The following RARS2 variants were observed in gnomAD, a reference collection of about 807,000 sequenced individuals.
RARS2 encodes arginyl-tRNA synthetase 2, mitochondrial, also known as probable arginine--tRNA ligase, mitochondrial.
In RARS2, 67 loss-of-function variants were observed where a neutral mutation model predicts 88.5. That is an observed-to-expected ratio of 0.76 (90% CI 0.62 to 0.93). The LOEUF (loss-of-function observed/expected upper bound fraction) is 0.93. RARS2 is among the 40% of genes least tolerant of loss of function. The pLI is 0.00. For missense variants in RARS2, 664 were observed against 684.2 expected (o/e 0.97, Z 0.33); for synonymous variants, 239 against 230.3 (o/e 1.04, Z -0.34).
intron 4 of RARS2, among the ~76,000 whole-genome samples, chr6:87,561,054 ATTATT>A (rs757874153): frequency 2.0e-5 from 3 of 152,244 alleles, no homozygotes; most frequent in Admixed American, 6.5e-5. Flanking sequence ...ACTTTTAATC[ATTATT>A]TTAGAGTATT....
rs1182278857 is a variant in RARS2, at chr6:87,555,280, T to A, written c.395+128A>T. On this transcript the variant is annotated intron_variant, in intron 5 of 19. Transcript: ENST00000369536. ...ATTGATTCACTGTGATTTCAAGAAATAACATAATTGCACTGGTTTTCAAGT... is the reference window on the plus strand; with the variant it reads ...ATTGATTCACTGTGATTTCAAGAAAAAACATAATTGCACTGGTTTTCAAGT... 7.4e-6 allele frequency: 5 copies of A among 680,072 alleles called. No individual in the cohort carries two copies. The East Asian group carries it at 1.4e-4, about 19-fold the overall frequency. 42.1% of individuals were successfully genotyped at this position (680,072 alleles called of 1,614,324 possible).
intron 1 of RARS2, among the ~76,000 whole-genome samples, chr6:87,588,066 G>A (rs562014773): frequency 6.6e-5 from 10 of 152,224 alleles, no homozygotes; most frequent in African/African-American, 2.2e-4. Flanking sequence ...GAGCCACCAT[G>A]CCTGGTCCAA....
intron 10 of RARS2, among the ~76,000 whole-genome samples, chr6:87,525,624 T>C (rs546930300): frequency 4.6e-5 from 7 of 151,722 alleles, no homozygotes; most frequent in Non-Finnish European, 7.4e-5. Flanking sequence ...TCTCAGCTCA[T>C]TGCAACCTCT....
At chr6:87,589,836 C>T in intron 1 of RARS2, 86 bp downstream of exon 1, 5 of 1,613,714 alleles carry the variant, frequency 3.1e-6, no homozygotes, top group Non-Finnish European at 4.2e-6. Context: ...CACCCTCCAG[C>T]TGACTGAGGA....
intron 18 of RARS2, chr6:87,515,949 CAAAAAA>C (rs1195940214): frequency 1.3e-5 from 1 of 74,506 alleles, no homozygotes; most frequent in African/African-American, 6.6e-5. Flanking sequence ...GACACCATCT[CAAAAAA>C]AAGAAAAAAA....
At position 87,541,921 on chromosome 6, in the gene RARS2, A is replaced by C; in HGVS notation, c.609T>G (p.Phe203Leu). 1.2e-6 allele frequency: 2 copies of C among 1,612,048 alleles called. No individual in the cohort carries two copies. Among genetic ancestry groups the C allele is most frequent in the Non-Finnish European group, 1.7e-6 (2 of 1,178,236 alleles). The stretch of plus-strand genomic sequence containing the variant: ...AAATGTTTTCTTGCCAACTTACTTC[A>C]AAGAGATGCTGTAGAGGATTGGACT... The part of the protein sequence containing the change: ...KLQSNPLQHL[F>L]EVYVQVNKEA... Residue 203 changes from phenylalanine to leucine, a missense_variant, in exon 8 of 20, where the codon TTT becomes TTG. Coordinates refer to ENST00000369536, the MANE Select transcript of RARS2 (RefSeq NM_020320.5).
chr6:87,524,439 T>C, intron 11 of RARS2, 118 bp downstream of exon 11: 1 of 857,602 alleles, frequency 1.2e-6, no homozygotes, highest in Non-Finnish European at 2.0e-6. Flanking sequence ...AGTTTTACAG[T>C]TTATAGAATA....
intron 19 of RARS2, 121 bp from the exon 20 acceptor site, chr6:87,514,620 C>G (rs2127986365): frequency 1.2e-6 from 1 of 855,024 alleles, no homozygotes; most frequent in Non-Finnish European, 1.9e-6. Context: ...TCAAAGTGCC[C>G]TAGAGTTACT....
chr6:87,524,817 C>A (rs1775132920), intron 10 of RARS2, among the ~76,000 whole-genome samples, 165 bp from the exon 11 acceptor site: 1 of 152,128 alleles, frequency 6.6e-6, no homozygotes, highest in South Asian at 2.1e-4. Flanking sequence ...AAGAATATGA[C>A]CAAGAATCTC....
Position 87,561,891 on chromosome 6 carries a change from T to C in RARS2, c.297+811A>G, listed in dbSNP as rs943377537. Among the ~76,000 whole-genome samples, 9 of 152,354 alleles carry C rather than the reference T, an allele frequency of 5.9e-5. No individual in the cohort carries two copies. In the East Asian group the frequency reaches 1.5e-3, roughly 26 times the overall value. On this transcript the variant is annotated intron_variant, in intron 4 of 19. Coordinates refer to ENST00000369536, the MANE Select transcript of RARS2 (RefSeq NM_020320.5). ...AGGATTTGGGAATATTTTTAATAAG[T>C]GAGCTAATGGGTATCCTTAAATCAG...
At chr6:87,526,697 TTTCAC>T (rs1775844896) in intron 10 of RARS2, among the ~76,000 whole-genome samples, 1 of 151,182 alleles carries the variant, frequency 6.6e-6, no homozygotes, top group Non-Finnish European at 1.5e-5. Context: ...TGAGATGGAA[TTTCAC>T]TCTTATTGCC....
At chr6:87,541,682 G>GGC (rs1781009951) in intron 8 of RARS2, among the ~76,000 whole-genome samples, 3 of 152,064 alleles carry the variant, frequency 2.0e-5, no homozygotes, top group African/African-American at 7.2e-5. Flanking sequence ...AAATTAGCTG[G>GGC]TTATGGTGGC....
chr6:87,544,134 T>A (rs1433508681), intron 7 of RARS2, among the ~76,000 whole-genome samples: 1 of 152,156 alleles, frequency 6.6e-6, no homozygotes, highest in Non-Finnish European at 1.5e-5. Context: ...ATTTAATGAA[T>A]ACCCTAATCA....
chr6:87,568,951 T>C (rs1768791882), intron 2 of RARS2, among the ~76,000 whole-genome samples: 1 of 152,176 alleles, frequency 6.6e-6, no homozygotes, highest in Admixed American at 6.5e-5. Context: ...ACCCAAATCG[T>C]AAACAAGAAT....
intron 1 of RARS2, among the ~76,000 whole-genome samples, chr6:87,573,171 G>T (rs1274017163): frequency 1.3e-5 from 2 of 152,120 alleles, no homozygotes; most frequent in Non-Finnish European, 2.9e-5. Flanking sequence ...GCACGTATGG[G>T]GAGGCCTCAG....
chr6:87,519,216 A>ATATATATATATATATC (rs1562058918), intron 14 of RARS2: 1 of 158,780 alleles, frequency 6.3e-6, no homozygotes, highest in East Asian at 1.5e-4. Context: ...GTGTATATAT[A>ATATATATATATATATC]TATATCTATA....
chr6:87,519,204 GTGTGTA>G (rs1772942395), intron 14 of RARS2: 4 of 272,068 alleles, frequency 1.5e-5, no homozygotes, highest in East Asian at 9.0e-5. Flanking sequence ...GTGTGTGTGT[GTGTGTA>G]TATATATATA....
intron 1 of RARS2, among the ~76,000 whole-genome samples, chr6:87,570,689 A>G (rs1242738162): frequency 6.6e-6 from 1 of 152,102 alleles, no homozygotes; most frequent in African/African-American, 2.4e-5. Context: ...CAAAATGTTG[A>G]CATTATAGGC....
chr6:87,548,480 A>C, intron 6 of RARS2, 111 bp downstream of exon 6: 2 of 1,075,742 alleles, frequency 1.9e-6, no homozygotes, highest in East Asian at 5.3e-5. Context: ...ATATAAATTT[A>C]AACTTTTTGT....
Sources: allele counts gnomAD v4.1 joint callset (sites outside exome capture counted in the v4.1 genomes callset), GRCh38; gene constraint gnomAD v4.1.1; transcripts MANE v1.5; gene names NCBI Gene and HGNC (gene_info 2026-07-23, HGNC 2026-07-21).